The following CDK19 variants were observed in gnomAD, a reference collection of about 807,000 sequenced individuals.
The protein encoded by CDK19 is cyclin dependent kinase 19, also known as cyclin-dependent kinase 19.
In CDK19, 20 loss-of-function variants were observed where a neutral mutation model predicts 68.3. That is an observed-to-expected ratio of 0.29 (90% CI 0.21 to 0.43). CDK19 has a LOEUF of 0.43. Among genes scored for constraint, CDK19 ranks in the 20% least tolerant of loss-of-function variants. The probability of loss-of-function intolerance (pLI) is 1.00; values close to 1 mark genes in which losing one functional copy is unlikely to be tolerated. For synonymous variants in CDK19, 221 were observed against 222.8 expected (o/e 0.99, Z 0.07); for missense variants, 339 against 623.5 (o/e 0.54, Z 4.86).
chr6:110,670,080 C>T (rs1018532487), intron 3 of CDK19, among the ~76,000 whole-genome samples: 1 of 152,098 alleles, frequency 6.6e-6, no homozygotes, highest in African/African-American at 2.4e-5. Context: ...TCGCTTGAAC[C>T]TGGGAGGCAG....
At chr6:110,646,205 C>G in intron 4 of CDK19, 1 of 1,389,038 alleles carries the variant, frequency 7.2e-7, no homozygotes, top group African/African-American at 1.4e-5. Context: ...TCCTCAGCAA[C>G]TCGTCGGGGT....
chr6:110,776,424 T>C (rs992881145), intron 1 of CDK19, among the ~76,000 whole-genome samples: 8 of 142,638 alleles, frequency 5.6e-5, no homozygotes, highest in African/African-American at 1.8e-4. Flanking sequence ...ACTGAAACTC[T>C]GTCTCAAAAA....
At chr6:110,666,079 T>A (rs940824404) in intron 4 of CDK19, among the ~76,000 whole-genome samples, 1 of 147,690 alleles carries the variant, frequency 6.8e-6, no homozygotes, top group Non-Finnish European at 1.5e-5. Flanking sequence ...TCAGAGCTAA[T>A]AGTAAAGTGG....
intron 1 of CDK19, among the ~76,000 whole-genome samples, chr6:110,805,546 C>A (rs1354365814): frequency 6.7e-6 from 1 of 148,612 alleles, no homozygotes; most frequent in East Asian, 1.9e-4. Flanking sequence ...TACCAAAACC[C>A]ACATATACTC....
intron 4 of CDK19, among the ~76,000 whole-genome samples, chr6:110,639,784 CTG>C (rs1210108848): frequency 6.6e-6 from 1 of 152,110 alleles, no homozygotes; most frequent in East Asian, 1.9e-4. Flanking sequence ...GAAATGCTCA[CTG>C]GGGATGGAAG....
intron 4 of CDK19, chr6:110,646,616 A>T (rs1582767890): frequency 3.3e-6 from 2 of 605,008 alleles, no homozygotes; most frequent in Non-Finnish European, 2.6e-6. Context: ...GGGAGGGGGG[A>T]TTCGGAAAAG....
chr6:110,668,599 G>A (rs549662249), intron 3 of CDK19, among the ~76,000 whole-genome samples: 3 of 152,198 alleles, frequency 2.0e-5, no homozygotes, highest in Admixed American at 6.5e-5. Context: ...TTGGGAGGCC[G>A]AGGCAGGTGG....
intron 8 of CDK19, 88 bp from the exon 9 acceptor site, chr6:110,623,450 T>C (rs1031581401): frequency 1.3e-6 from 2 of 1,548,462 alleles, no homozygotes; most frequent in South Asian, 2.4e-5. Context: ...GGCTTTCCTA[T>C]AAGGTATGTG....
chr6:110,772,466 G>A (rs1181067169), intron 1 of CDK19, among the ~76,000 whole-genome samples: 4 of 151,580 alleles, frequency 2.6e-5, no homozygotes, highest in African/African-American at 9.7e-5. Flanking sequence ...ATATGGGTGG[G>A]GACACAGAGC....
intron 1 of CDK19, among the ~76,000 whole-genome samples, chr6:110,754,484 A>ACT (rs1778695113): frequency 1.4e-5 from 2 of 146,448 alleles, no homozygotes; most frequent in African/African-American, 5.0e-5. Context: ...AGTTAAACTA[A>ACT]TTTTTTTTTT....
At chr6:110,677,514 C>T (rs528410736) in intron 2 of CDK19, among the ~76,000 whole-genome samples, 3 of 149,834 alleles carry the variant, frequency 2.0e-5, no homozygotes, top group African/African-American at 4.9e-5. Flanking sequence ...TGCAGTGAGC[C>T]GAGATCGCGC....
intron 4 of CDK19, among the ~76,000 whole-genome samples, chr6:110,664,962 G>C: frequency 6.6e-6 from 1 of 152,182 alleles, no homozygotes; most frequent in East Asian, 1.9e-4. Context: ...ATCCCAGGAG[G>C]AGACAGGGAA....
At chr6:110,749,078 A>G (rs1282145743) in intron 1 of CDK19, among the ~76,000 whole-genome samples, 1 of 152,212 alleles carries the variant, frequency 6.6e-6, no homozygotes, top group East Asian at 1.9e-4. Context: ...TTTCGTGTAT[A>G]TTAGATAGTA....
intron 10 of CDK19, 120 bp from the exon 11 acceptor site, chr6:110,622,286 A>T (rs1205414903): frequency 7.1e-6 from 5 of 707,856 alleles, no homozygotes; most frequent in Non-Finnish European, 1.2e-5. Flanking sequence ...ATCTGTGGCT[A>T]GTGTTCAAAT....
chr6:110,706,178 G>A (rs554693559), intron 2 of CDK19, among the ~76,000 whole-genome samples: 13 of 150,392 alleles, frequency 8.6e-5, no homozygotes, highest in Admixed American at 8.0e-4. Flanking sequence ...TCAGCCTCCC[G>A]AGTAGCTGGG....
chr6:110,703,545 G>GA (rs1303400953), intron 2 of CDK19, among the ~76,000 whole-genome samples: 7 of 152,032 alleles, frequency 4.6e-5, no homozygotes, highest in Non-Finnish European at 7.4e-5. Flanking sequence ...GAATGAAACT[G>GA]AAAAAATGAA....
At chr6:110,702,208 G>A (rs1346760967) in intron 2 of CDK19, among the ~76,000 whole-genome samples, 1 of 152,166 alleles carries the variant, frequency 6.6e-6, no homozygotes, top group Non-Finnish European at 1.5e-5. Flanking sequence ...CACTTTGGGA[G>A]GCAAAGGTAG....
chr6:110,697,475 GGAAAACTACAAAACA>G (rs1396152923), intron 2 of CDK19, among the ~76,000 whole-genome samples: 3 of 151,986 alleles, frequency 2.0e-5, no homozygotes, highest in Non-Finnish European at 4.4e-5. Flanking sequence ...CTCTCCACAA[GGAAAACTACAAAACA>G]CTGCTGAAAG....
chr6:110,738,158 T>C (rs1777385652), intron 2 of CDK19, among the ~76,000 whole-genome samples: 1 of 152,146 alleles, frequency 6.6e-6, no homozygotes, highest in Admixed American at 6.5e-5. Context: ...CACTAATCTA[T>C]ACTTTCATAA....
Sources: allele counts gnomAD v4.1 joint callset (sites outside exome capture counted in the v4.1 genomes callset), GRCh38; gene constraint gnomAD v4.1.1; transcripts MANE v1.5; gene names NCBI Gene and HGNC (gene_info 2026-07-23, HGNC 2026-07-21).